The following SEPSECS variants were observed in gnomAD, a reference collection of about 807,000 sequenced individuals.
SEPSECS encodes the protein Sep (O-phosphoserine) tRNA:Sec (selenocysteine) tRNA synthase.
Under a neutral mutation model 52.1 loss-of-function variants are expected in SEPSECS, and 42 were observed. The observed-to-expected ratio is 0.81, with a 90% confidence interval of 0.63 to 1.04. SEPSECS has a LOEUF of 1.04. SEPSECS is among the 50% of genes least tolerant of loss of function. SEPSECS has a pLI of 0.00. For synonymous variants in SEPSECS, 216 were observed against 211.4 expected (o/e 1.02, Z -0.19); for missense variants, 590 against 610.6 (o/e 0.97, Z 0.36).
rs1728111225 is a variant in SEPSECS at position 25,121,197 on chromosome 4, T to C, written c.*2734A>G. 1 of 152,150 alleles carries C rather than the reference T, an allele frequency of 6.6e-6. No homozygotes were observed. Among genetic ancestry groups the C allele is most frequent in the Admixed American group, 6.5e-5 (1 of 15,278 alleles). 9.4% of individuals were successfully genotyped at this position (152,150 alleles called of 1,614,324 possible). On this transcript the variant is annotated 3_prime_UTR_variant, in exon 11 of 11. Transcript: ENST00000382103. The stretch of plus-strand genomic sequence containing the variant: ...GCTGGCGTCACATATCATTCCCTGA[T>C]AGAGCGAGAATTCATCAGCAGAGGA...
chr4:25,153,065 T>G (rs1413681850), intron 5 of SEPSECS, among the ~76,000 whole-genome samples: 1 of 151,976 alleles, frequency 6.6e-6, no homozygotes, highest in Non-Finnish European at 1.5e-5. Flanking sequence ...AGTTTTCTTT[T>G]TTTTGTCCAG....
intron 8 of SEPSECS, among the ~76,000 whole-genome samples, chr4:25,135,155 A>G (rs1241376589): frequency 2.0e-5 from 3 of 152,160 alleles, no homozygotes; most frequent in African/African-American, 7.2e-5. Flanking sequence ...AGAAGTAGAC[A>G]ACCAAGAGCA....
chr4:25,154,100 T>G (rs1039846789), intron 5 of SEPSECS, among the ~76,000 whole-genome samples: 1 of 152,074 alleles, frequency 6.6e-6, no homozygotes. Flanking sequence ...AAGTAATGAA[T>G]AAACCACAAA....
At position 25,156,201 on chromosome 4, in the gene SEPSECS, A is replaced by C; in HGVS notation, c.389-6T>G. ...GTTGGCTACTGTATGGACACCTACA[A>C]ATAAGAAGCAAAACAGAAATCTGTT... On this transcript the variant is annotated splice_polypyrimidine_tract_variant and splice_region_variant and intron_variant, in intron 3 of 10. Transcript: ENST00000382103. 1.2e-6 allele frequency: 2 copies of C among 1,613,498 alleles called. No individual in the cohort carries two copies. Among genetic ancestry groups the C allele is most frequent in the Non-Finnish European group, 1.7e-6 (2 of 1,179,502 alleles).
chr4:25,131,960 C>T (rs1205817295), intron 8 of SEPSECS, among the ~76,000 whole-genome samples: 1 of 152,162 alleles, frequency 6.6e-6, no homozygotes, highest in Admixed American at 6.5e-5. Context: ...CATAGACAAA[C>T]TAAAAGATAC....
At chr4:25,160,513 A>C (rs1357206735), upstream of SEPSECS, 47 of 661,288 alleles carry the variant, frequency 7.1e-5, no homozygotes, top group East Asian at 2.0e-4. Context: ...CAAAACAAAA[A>C]AAACACTTCT....
intron 2 of SEPSECS, among the ~76,000 whole-genome samples, chr4:25,158,478 AC>A (rs1712825717): frequency 6.6e-6 from 1 of 152,076 alleles, no homozygotes; most frequent in Admixed American, 6.6e-5. Context: ...AATCTAATAC[AC>A]CTTTCCCTGT....
intron 5 of SEPSECS, 137 bp downstream of exon 5, chr4:25,154,861 A>T: frequency 6.4e-6 from 6 of 935,738 alleles, no homozygotes; most frequent in Non-Finnish European, 9.8e-6. Flanking sequence ...CTATTTCTCC[A>T]CAAGGTCAAT....
At chr4:25,157,067 AC>A in intron 2 of SEPSECS, 93 bp from the exon 3 acceptor site, 1 of 781,744 alleles carries the variant, frequency 1.3e-6, no homozygotes, top group Non-Finnish European at 2.3e-6. Context: ...CCAAAAAAAC[AC>A]CAGGAGCAAT....
At chr4:25,125,460 C>T (rs991912976) in intron 10 of SEPSECS, 3 of 535,186 alleles carry the variant, frequency 5.6e-6, no homozygotes, top group South Asian at 4.8e-5. Context: ...TGGTTCTGTA[C>T]ATCTATGAAA....
At chr4:25,159,861 G>A (rs1712949464) in intron 1 of SEPSECS, 1 of 1,087,110 alleles carries the variant, frequency 9.2e-7, no homozygotes, top group Non-Finnish European at 1.1e-6. Flanking sequence ...CGGAAAGCTC[G>A]TGGTTCGAGT....
intron 2 of SEPSECS, among the ~76,000 whole-genome samples, chr4:25,158,677 T>C (rs1173086093): frequency 6.6e-6 from 1 of 152,054 alleles, no homozygotes; most frequent in Non-Finnish European, 1.5e-5. Flanking sequence ...TTTATTAGGG[T>C]AACCGTTCCT....
chr4:25,143,456 G>A (rs974816220), intron 8 of SEPSECS, among the ~76,000 whole-genome samples: 1 of 152,120 alleles, frequency 6.6e-6, no homozygotes, highest in South Asian at 2.1e-4. Context: ...TTTTGAGTCT[G>A]ACTTCTTTCA....
intron 2 of SEPSECS, 123 bp from the exon 3 acceptor site, chr4:25,157,097 T>C (rs1712711566): frequency 2.8e-6 from 2 of 726,656 alleles, no homozygotes; most frequent in Non-Finnish European, 5.1e-6. Flanking sequence ...GTTACAGATA[T>C]ATGTCACAAA....
chr4:25,136,764 C>T (rs1026461076), intron 8 of SEPSECS, among the ~76,000 whole-genome samples: 1 of 152,004 alleles, frequency 6.6e-6, no homozygotes, highest in Non-Finnish European at 1.5e-5. Context: ...CAAGACAATC[C>T]TAAGCAAAAA....
intron 8 of SEPSECS, among the ~76,000 whole-genome samples, chr4:25,130,431 A>G (rs1312054246): frequency 6.6e-6 from 1 of 152,230 alleles, no homozygotes; most frequent in African/African-American, 2.4e-5. Context: ...TACCAGTTCT[A>G]TCAATCACTT....
chr4:25,158,940 TAA>T lies in SEPSECS; in HGVS notation c.269+11_269+12del, dbSNP rs748765764. 6.2e-7 allele frequency: 1 copy of T among 1,612,444 alleles called. No individual in the cohort carries two copies. The highest frequency in any genetic ancestry group is 1.3e-5 in the African/African-American group (1 of 74,866). ...TAAACGATGTATCTCCTGTACTACTTAAAAAAAGATACCTGTAATGACGACGA... is the reference window on the plus strand; with the variant it reads ...TAAACGATGTATCTCCTGTACTACTTAAAAAGATACCTGTAATGACGACGA... On this transcript the variant is annotated intron_variant, in intron 2 of 10. Transcript: ENST00000382103.
intron 7 of SEPSECS, 42 bp downstream of exon 7, chr4:25,144,962 G>A (rs1711870053): frequency 6.2e-7 from 1 of 1,611,780 alleles, no homozygotes; most frequent in Non-Finnish European, 8.5e-7. Flanking sequence ...ATGGATTTTT[G>A]TTTGTTAGCT....
chr4:25,159,631 G>C, intron 1 of SEPSECS: 1 of 373,418 alleles, frequency 2.7e-6, no homozygotes, highest in South Asian at 1.8e-5. Context: ...CATTAACCGG[G>C]TGTGGTGGCG....
Sources: allele counts gnomAD v4.1 joint callset (sites outside exome capture counted in the v4.1 genomes callset), GRCh38; gene constraint gnomAD v4.1.1; transcripts MANE v1.5; gene names NCBI Gene and HGNC (gene_info 2026-07-23, HGNC 2026-07-21).